The following REPS2 variants were observed in gnomAD, a reference collection of about 807,000 sequenced individuals.
REPS2 encodes the protein RALBP1 associated Eps domain containing 2, also known as ralBP1-associated Eps domain-containing protein 2.
In REPS2, 23 loss-of-function variants were observed where a neutral mutation model predicts 53.6. The ratio of observed to expected loss-of-function variants is 0.43; its 90% CI spans 0.31 to 0.61. The LOEUF (loss-of-function observed/expected upper bound fraction) is 0.61. Ranked by LOEUF, REPS2 falls within the 20% of genes least tolerant of loss-of-function variation. The pLI is 0.11. For missense variants in REPS2, 446 were observed against 534.9 expected (o/e 0.83, Z 1.64); for synonymous variants, 238 against 218.6 (o/e 1.09, Z -0.78).
At position 17,151,850 on chromosome X, in the gene REPS2, T is replaced by G. The variant is rs1404420245; in HGVS notation, c.*4369T>G. ...TTCAAAGGATCAGTTGAATTTATAC[T>G]TTAGTTATGGGTGTTTTGTTACTTT... On this transcript the variant is annotated 3_prime_UTR_variant, in exon 18 of 18. Transcript: ENST00000357277. 1.8e-5 allele frequency: 2 copies of G among 111,438 alleles called. No individual in the cohort carries two copies. Among genetic ancestry groups the G allele is most frequent in the East Asian group, 5.6e-4 (2 of 3,565 alleles). 9.2% of individuals were successfully genotyped at this position (111,438 alleles called of 1,213,427 possible).
chrX:17,112,904 C>T (rs747242478), intron 14 of REPS2, among the ~76,000 whole-genome samples: 3 of 106,802 alleles, frequency 2.8e-5, no homozygotes, highest in Non-Finnish European at 3.8e-5. Flanking sequence ...CTGGCTAACA[C>T]GGGAAACTCC....
In REPS2 at chrX:17,022,227, A is replaced by G. The variant is rs554662352; in HGVS notation, c.502A>G (p.Thr168Ala). The change falls in exon 3 of 18, where the codon ACA becomes GCA. Residue 168 changes from threonine (T) to alanine (A), a missense_variant. Physicochemically the swap from Thr to Ala is moderately conservative, Grantham distance 58 (BLOSUM62 0). Coordinates refer to ENST00000357277, the MANE Select transcript of REPS2 (RefSeq NM_004726.3). ...GTKVQIPYLTTEKNSFKRMDD... is the reference protein window; with the variant it reads ...GTKVQIPYLTAEKNSFKRMDD... Reference sequence around the variant, plus strand: ...TAAGGTTCAGATTCCATATTTAACTACAGAAAAAAATTCCTTCAAAAGAAT... The same window carrying G: ...TAAGGTTCAGATTCCATATTTAACTGCAGAAAAAAATTCCTTCAAAAGAAT... 1.7e-6 allele frequency: 2 copies of G among 1,208,178 alleles called. No homozygotes were observed. The highest frequency in any genetic ancestry group is 1.7e-5 in the African/African-American group (1 of 57,285).
chrX:16,950,655 A>G (rs763142652), intron 1 of REPS2, among the ~76,000 whole-genome samples: 115 of 112,968 alleles, frequency 1.0e-3, no homozygotes, highest in South Asian at 2.2e-3. Flanking sequence ...AGTGAATCCA[A>G]CACAATCTCT....
rs762688581 is a variant in REPS2, at chrX:17,036,537, T to A, written c.771+6914T>A. Among the ~76,000 whole-genome samples the A allele has an allele frequency of 6.3e-5, 7 of 111,832 alleles. No individual in the cohort carries two copies. The South Asian group carries it at 2.2e-3, about 36-fold the overall frequency. ...TTTCTCCCTGAGTGGTGAGAGGAGA[T>A]GCTGGCACCTGAGGCTCTCGAAGGA... is the stretch of plus-strand genomic sequence containing the variant. On this transcript the variant is annotated intron_variant, in intron 5 of 17. Transcript: ENST00000357277.
At chrX:17,067,305 G>T (rs1193943084) in intron 9 of REPS2, among the ~76,000 whole-genome samples, 1 of 111,210 alleles carries the variant, frequency 9.0e-6, no homozygotes, top group East Asian at 2.8e-4. Flanking sequence ...AGGTATAATT[G>T]ACAAAAAATA....
chrX:16,962,415 A>T (rs2060676669), intron 1 of REPS2, among the ~76,000 whole-genome samples: 1 of 111,225 alleles, frequency 9.0e-6, no homozygotes, highest in African/African-American at 3.3e-5. Flanking sequence ...TAAGTGAGAC[A>T]CAGAAGGAAA....
At chrX:17,189,648 CCTCT>C in the REPS2 span, among the ~76,000 whole-genome samples, 6 of 105,417 alleles carry the variant, frequency 5.7e-5, no homozygotes, top group Admixed American at 2.0e-4. Flanking sequence ...TCCTCTCTCT[CCTCT>C]CTCTCTCTCT....
At position 16,965,654 on chromosome X, in the gene REPS2, T is replaced by C. The variant is rs778632039; in HGVS notation, c.273+18520T>C. Among the ~76,000 whole-genome samples the C allele has an allele frequency of 4.4e-3, 492 of 111,917 alleles. 6 individuals carry two copies. The highest frequency in any genetic ancestry group is 0.015 in the African/African-American group (454 of 30,834). ...GCGGCCGGGCAGAGACGCTCCTCAC[T>C]TCCCAGATGTGATGGCGGCCGGGAA... is the stretch of plus-strand genomic sequence containing the variant. On this transcript the variant is annotated intron_variant, in intron 1 of 17. Transcript: ENST00000357277.
At chrX:17,099,379 T>C (rs5924591) in intron 13 of REPS2, among the ~76,000 whole-genome samples, 1 of 109,654 alleles carries the variant, frequency 9.1e-6, no homozygotes, top group Non-Finnish European at 1.9e-5. Context: ...AACTACACAT[T>C]TGCTACGCTG....
chrX:17,118,206 G>A (rs1401771353), intron 14 of REPS2, among the ~76,000 whole-genome samples: 9 of 108,398 alleles, frequency 8.3e-5, no homozygotes, highest in African/African-American at 2.4e-4. Flanking sequence ...TGATCCGCCC[G>A]CCTCGGCCTC....
chrX:17,029,402 C>T, intron 4 of REPS2, 124 bp from the exon 5 acceptor site: 1 of 492,148 alleles, frequency 2.0e-6, no homozygotes, highest in Non-Finnish European at 3.6e-6. Context: ...CCTAGATGGC[C>T]CTATGAGTAT....
chrX:17,161,397 G>C, the REPS2 span, among the ~76,000 whole-genome samples: 1 of 111,981 alleles, frequency 8.9e-6, no homozygotes, highest in Admixed American at 9.5e-5. Flanking sequence ...AGAGAAATTT[G>C]AAGCATGAAA....
At chrX:17,132,561 A>T (rs1332168190) in intron 14 of REPS2, among the ~76,000 whole-genome samples, 1 of 112,425 alleles carries the variant, frequency 8.9e-6, no homozygotes, top group African/African-American at 3.2e-5. Context: ...TCCTGAGACG[A>T]AGTCTTGCTC....
chrX:17,059,823 A>G (rs1249852321), intron 8 of REPS2, among the ~76,000 whole-genome samples: 6 of 111,530 alleles, frequency 5.4e-5, no homozygotes, highest in Admixed American at 4.8e-4. Flanking sequence ...TTTACTTGCA[A>G]TTATGGAAAT....
intron 2 of REPS2, 25 bp from the exon 3 acceptor site, chrX:17,022,098 G>T (rs894637040): frequency 1.5e-5 from 18 of 1,189,352 alleles, no homozygotes; most frequent in Middle Eastern, 2.4e-4. Context: ...TCTGACTAGA[G>T]CTTCTCTGAT....
At chrX:17,056,950 CT>C (rs1350392418) in intron 8 of REPS2, among the ~76,000 whole-genome samples, 2 of 111,557 alleles carry the variant, frequency 1.8e-5, no homozygotes, top group Non-Finnish European at 3.8e-5. Flanking sequence ...GTATTAATTC[CT>C]TTGGGAGAGT....
intron 14 of REPS2, among the ~76,000 whole-genome samples, chrX:17,118,522 G>A (rs2063095166): frequency 8.9e-6 from 1 of 112,048 alleles, no homozygotes; most frequent in East Asian, 2.8e-4. Context: ...TCAGAGAGCA[G>A]AAGTTAACTA....
rs774556038 is a variant in REPS2, at chrX:17,050,141, CCTTTCTTTCTTT to C, written c.908-2196_908-2185del. On this transcript the variant is annotated intron_variant, in intron 6 of 17. Transcript: ENST00000357277. ...TTTCTTCTTTCTTTCTTCCTTTCTT[CCTTTCTTTCTTT>C]CTTTCTTTCTTTCTTTCTTTCTTTC... Among the ~76,000 whole-genome samples the C allele has an allele frequency of 6.3e-3, 128 of 20,384 alleles. 2 individuals are homozygous for C. The highest frequency in any genetic ancestry group is 7.5e-3 in the East Asian group (1 of 134). 17.7% of individuals were successfully genotyped at this position (20,384 alleles called of 115,157 possible).
chrX:17,133,803 C>T lies in REPS2; in HGVS notation c.1579-21C>T, dbSNP rs141187636. 1,182 of 1,180,699 alleles carry T rather than the reference C, an allele frequency of 1.0e-3. 8 individuals carry two copies. The African/African-American group carries it at 0.017, about 17-fold the overall frequency. On this transcript the variant is annotated intron_variant, in intron 14 of 17. Coordinates refer to ENST00000357277, the MANE Select transcript of REPS2 (RefSeq NM_004726.3). ...GATTGTGGTTTTGCATTTCTGTCCT[C>T]TCTCTGATCTCTTGCTACAGTCTGA... is the stretch of plus-strand genomic sequence containing the variant.
Sources: gnomAD v4.1 joint callset for allele counts (sites outside exome capture counted in the v4.1 genomes callset) on GRCh38, gnomAD v4.1.1 for gene constraint, MANE v1.5 for transcripts, NCBI Gene and HGNC (gene_info 2026-07-23, HGNC 2026-07-21) for gene names.